DCHS2: variants seen among roughly 807,000 people sequenced by gnomAD.
DCHS2 encodes dachsous cadherin-related 2, also known as protocadherin-23.
A neutral mutation model predicts 182.4 loss-of-function variants in DCHS2; 142 were observed. The ratio of observed to expected loss-of-function variants is 0.78; its 90% CI spans 0.68 to 0.89. The LOEUF (loss-of-function observed/expected upper bound fraction) is 0.89, where lower values mean the gene tolerates loss of function less well. Ranked by LOEUF, DCHS2 falls within the 40% of genes least tolerant of loss-of-function variation. DCHS2 has a pLI of 0.00. For synonymous variants in DCHS2, 1,740 were observed against 1,663.3 expected (o/e 1.05, Z -1.12); for missense variants, 4,319 against 4,198.6 (o/e 1.03, Z -0.79).
intron 1 of DCHS2, among the ~76,000 whole-genome samples, chr4:154,436,736 G>A (rs1054225563): frequency 7.9e-5 from 12 of 152,122 alleles, no homozygotes; most frequent in Non-Finnish European, 1.5e-4. Flanking sequence ...CTGTTTTATG[G>A]TTCAATATGG....
At chr4:154,428,746 C>CA (rs749825867) in intron 1 of DCHS2, among the ~76,000 whole-genome samples, 69 of 149,968 alleles carry the variant, frequency 4.6e-4, no homozygotes, top group Middle Eastern at 3.4e-3. Flanking sequence ...ACTAAAAATA[C>CA]AAAAAAAATA....
At chr4:154,265,785 A>G (rs1400785566) in intron 14 of DCHS2, among the ~76,000 whole-genome samples, 6 of 152,128 alleles carry the variant, frequency 3.9e-5, no homozygotes, top group South Asian at 2.1e-4. Flanking sequence ...GAAAAAAGAG[A>G]TATAAAAAGG....
chr4:154,490,887 C>T lies in DCHS2; in HGVS notation c.469G>A (p.Val157Ile). The T allele has an allele frequency of 1.3e-6, 2 of 1,551,428 alleles. No homozygotes were observed. Among genetic ancestry groups the T allele is most frequent in the African/African-American group, 1.4e-5 (1 of 73,164 alleles). Residue 157 changes from valine to isoleucine, a missense_variant, in exon 1 of 20, where the codon GTC (valine) becomes ATC (isoleucine). Physicochemically the swap from Val to Ile is conservative, Grantham distance 29. Coordinates refer to ENST00000357232, the MANE Select transcript of DCHS2 (RefSeq NM_001358235.2). ...LGAVVQVEIR[V>I]NDVNDHSPRF... ...GGCGAGTGGTCATTCACGTCGTTGA[C>T]GCGAATCTCCACCTGCACCACAGCG... is the stretch of plus-strand genomic sequence containing the variant.
At chr4:154,338,915 A>G (rs1728938992) in intron 3 of DCHS2, among the ~76,000 whole-genome samples, 1 of 152,160 alleles carries the variant, frequency 6.6e-6, no homozygotes, top group African/African-American at 2.4e-5. Flanking sequence ...AAGCAAACCA[A>G]TGGGATCTCT....
chr4:154,405,033 G>A (rs1390212738), intron 1 of DCHS2, among the ~76,000 whole-genome samples: 1 of 152,118 alleles, frequency 6.6e-6, no homozygotes, highest in African/African-American at 2.4e-5. Context: ...GATCACCTGA[G>A]GTCAGGAGTT....
intron 13 of DCHS2, among the ~76,000 whole-genome samples, chr4:154,289,628 C>G (rs1406201915): frequency 6.6e-6 from 1 of 151,866 alleles, no homozygotes; most frequent in Non-Finnish European, 1.5e-5. Context: ...GACTAAGAGA[C>G]ATCAAAAAAA....
chr4:154,374,677 A>G (rs1265626064), intron 2 of DCHS2, among the ~76,000 whole-genome samples: 1 of 152,042 alleles, frequency 6.6e-6, no homozygotes, highest in African/African-American at 2.4e-5. Context: ...ATTTAGACTC[A>G]TTTTTTCCCC....
chr4:154,409,501 G>A (rs953336261), intron 1 of DCHS2, among the ~76,000 whole-genome samples: 1 of 152,032 alleles, frequency 6.6e-6, no homozygotes, highest in Non-Finnish European at 1.5e-5. Flanking sequence ...TGTCCCCAAG[G>A]GTCAGCTACA....
chr4:154,489,769 G>C lies in DCHS2; in HGVS notation c.1587C>G (p.Val529=). The change falls in exon 1 of 20, where the codon GTC becomes GTG. Residue 529 remains valine (V), a synonymous_variant. Coordinates refer to ENST00000357232, the MANE Select transcript of DCHS2 (RefSeq NM_001358235.2). ...LSTEETLLLR[V]ADLNDQPPLF... Reference sequence around the variant, plus strand: ...GAGGTGGTTGGTCATTGAGGTCAGCGACCCGGAGTAGCAGCGTCTCCTCCG... The same window carrying C: ...GAGGTGGTTGGTCATTGAGGTCAGCCACCCGGAGTAGCAGCGTCTCCTCCG... 1 of 1,551,574 alleles carries C rather than the reference G, an allele frequency of 6.4e-7. No homozygotes were observed. Among genetic ancestry groups the C allele is most frequent in the Non-Finnish European group, 8.7e-7 (1 of 1,146,936 alleles).
At chr4:154,261,709 C>G (rs1436463739) in intron 14 of DCHS2, 4 of 152,072 alleles carry the variant, frequency 2.6e-5, no homozygotes, top group South Asian at 2.1e-4. Flanking sequence ...TATATTAACT[C>G]ACTATACTAC....
intron 10 of DCHS2, among the ~76,000 whole-genome samples, chr4:154,305,436 A>G (rs1382943351): frequency 6.6e-6 from 1 of 152,228 alleles, no homozygotes; most frequent in Non-Finnish European, 1.5e-5. Context: ...CTTGATTTTC[A>G]AAAGTCTTAT....
chr4:154,323,387 T>C lies in DCHS2; in HGVS notation c.4019-899A>G. 3.2e-6 allele frequency: 5 copies of C among 1,538,812 alleles called. No individual in the cohort carries two copies. The Admixed American group carries it at 6.0e-5, about 18-fold the overall frequency. On this transcript the variant is annotated intron_variant, in intron 7 of 19. Coordinates refer to ENST00000357232, the MANE Select transcript of DCHS2 (RefSeq NM_001358235.2). ...TTCTGTTACCCAGGCTGGAGCGCAA[T>C]TGTGCCATGATAGCTCACTGCAGCC...
chr4:154,444,645 CACA>C (rs1359195459), intron 1 of DCHS2, among the ~76,000 whole-genome samples: 1 of 152,208 alleles, frequency 6.6e-6, no homozygotes, highest in Non-Finnish European at 1.5e-5. Flanking sequence ...GCACCACCCT[CACA>C]ACACCATCCC....
intron 13 of DCHS2, among the ~76,000 whole-genome samples, chr4:154,287,794 T>A (rs1301204558): frequency 6.6e-6 from 1 of 152,164 alleles, no homozygotes; most frequent in Non-Finnish European, 1.5e-5. Flanking sequence ...AAGTGTAGTC[T>A]TTATTAGTTT....
chr4:154,384,612 A>G (rs990458532), intron 1 of DCHS2: 36 of 1,405,068 alleles, frequency 2.6e-5, no homozygotes, highest in Non-Finnish European at 3.2e-5. Context: ...GGATTTTGAG[A>G]GGAGAATCTT....
chr4:154,477,452 C>G (rs111280901), intron 1 of DCHS2, among the ~76,000 whole-genome samples: 1 of 152,062 alleles, frequency 6.6e-6, no homozygotes, highest in Non-Finnish European at 1.5e-5. Flanking sequence ...AAGCACGGTG[C>G]CTTTTTGAAA....
chr4:154,479,865 A>G (rs554767599), intron 1 of DCHS2, among the ~76,000 whole-genome samples: 2 of 152,322 alleles, frequency 1.3e-5, no homozygotes, highest in South Asian at 2.1e-4. Flanking sequence ...AAACAGACAT[A>G]AGCATGACAA....
intron 1 of DCHS2, among the ~76,000 whole-genome samples, chr4:154,430,099 C>T (rs1279127244): frequency 6.6e-6 from 1 of 152,144 alleles, no homozygotes. Flanking sequence ...CTGTCCTTAG[C>T]ACTTTGGGAC....
At chr4:154,442,674 G>C (rs1734088887) in intron 1 of DCHS2, among the ~76,000 whole-genome samples, 1 of 151,844 alleles carries the variant, frequency 6.6e-6, no homozygotes. Flanking sequence ...CTGCTTCCAA[G>C]CTATTTCTCT....
Sources: gnomAD v4.1 joint callset for allele counts (sites outside exome capture counted in the v4.1 genomes callset) on GRCh38, gnomAD v4.1.1 for gene constraint, MANE v1.5 for transcripts, NCBI Gene and HGNC (gene_info 2026-07-23, HGNC 2026-07-21) for gene names.